The following ANO4 variants were observed in gnomAD, a reference collection of about 807,000 sequenced individuals.
The protein encoded by ANO4 is anoctamin 4.
ANO4 carries 69 observed loss-of-function variants against 141.9 expected under a neutral mutation model. The observed-to-expected ratio is 0.49, with a 90% CI of 0.40 to 0.59. The LOEUF is 0.59. Among genes scored for constraint, ANO4 ranks in the 20% least tolerant of loss-of-function variants. ANO4 has a pLI of 0.00. For synonymous variants in ANO4, 350 were observed against 394.3 expected (o/e 0.89, Z 1.33); for missense variants, 894 against 1,162.2 (o/e 0.77, Z 3.36).
At chr12:100,882,167 A>C (rs2039602801) in intron 1 of ANO4, among the ~76,000 whole-genome samples, 1 of 152,178 alleles carries the variant, frequency 6.6e-6, no homozygotes, top group Admixed American at 6.5e-5. Context: ...TGGAATCTTC[A>C]AACCAACCCT....
intron 3 of ANO4, among the ~76,000 whole-genome samples, chr12:100,787,319 T>C (rs1308508146): frequency 6.6e-6 from 1 of 152,132 alleles, no homozygotes; most frequent in East Asian, 1.9e-4. Context: ...GAAAAGAAAG[T>C]CCAAGCATTG....
At chr12:101,102,183 G>T (rs766477824) in intron 22 of ANO4, among the ~76,000 whole-genome samples, 1 of 152,154 alleles carries the variant, frequency 6.6e-6, no homozygotes, top group South Asian at 2.1e-4. Context: ...TACCTTTACG[G>T]CATTTTTGTA....
At chr12:100,921,595 G>A (rs2041633179) in intron 2 of ANO4, among the ~76,000 whole-genome samples, 1 of 152,110 alleles carries the variant, frequency 6.6e-6, no homozygotes, top group Non-Finnish European at 1.5e-5. Flanking sequence ...TTCCTTAAAT[G>A]TTCTATAGGT....
chr12:100,920,970 CA>C (rs2041603759), intron 2 of ANO4, among the ~76,000 whole-genome samples: 1 of 152,062 alleles, frequency 6.6e-6, no homozygotes, highest in Non-Finnish European at 1.5e-5. Flanking sequence ...CCCTATTTCA[CA>C]AAGGAGGAAA....
intron 3 of ANO4, among the ~76,000 whole-genome samples, chr12:100,750,194 G>A (rs147868732): frequency 1.3e-5 from 2 of 151,640 alleles, no homozygotes. Flanking sequence ...TAGTGCAGTG[G>A]CATGATCTTG....
chr12:100,929,290 G>A (rs567355169), intron 3 of ANO4, among the ~76,000 whole-genome samples: 138 of 151,672 alleles, frequency 9.1e-4, no homozygotes, highest in African/African-American at 3.1e-3. Flanking sequence ...CCAGCATATG[G>A]TAACCACCAT....
intron 1 of ANO4, among the ~76,000 whole-genome samples, chr12:100,857,635 G>A (rs1306635924): frequency 6.6e-6 from 1 of 152,040 alleles, no homozygotes; most frequent in East Asian, 1.9e-4. Context: ...AGATTCTCTG[G>A]GTTCAGCTGT....
At chr12:100,944,596 C>T (rs2042647657) in intron 5 of ANO4, among the ~76,000 whole-genome samples, 1 of 151,880 alleles carries the variant, frequency 6.6e-6, no homozygotes, top group Non-Finnish European at 1.5e-5. Context: ...CTTCCCCTTT[C>T]TGGAACCTTC....
intron 14 of ANO4, among the ~76,000 whole-genome samples, chr12:101,062,167 T>C (rs1391156124): frequency 6.6e-6 from 1 of 152,218 alleles, no homozygotes; most frequent in African/African-American, 2.4e-5. Flanking sequence ...TGGAGTTTGC[T>C]GGAGGTCTAC....
chr12:101,104,593 ATG>A (rs745870723), intron 22 of ANO4, among the ~76,000 whole-genome samples: 1,002 of 94,660 alleles, frequency 0.011, 8 homozygotes, highest in Non-Finnish European at 0.015. Flanking sequence ...TAATATATAT[ATG>A]TGTGTGTGTG....
At chr12:100,791,643 G>A (rs2034051444), upstream of ANO4, among the ~76,000 whole-genome samples, 2 of 152,122 alleles carry the variant, frequency 1.3e-5, no homozygotes, top group South Asian at 4.1e-4. Flanking sequence ...GTCCTCTATT[G>A]TCTCATACAT....
intron 8 of ANO4, among the ~76,000 whole-genome samples, chr12:101,013,738 A>T (rs1996248): frequency 6.6e-6 from 1 of 152,044 alleles, no homozygotes; most frequent in African/African-American, 2.4e-5. Flanking sequence ...CAATAGTTAC[A>T]TGAGTACCAT....
At position 100,842,873 on chromosome 12, in the gene ANO4, C is replaced by T. The variant is rs545588165; in HGVS notation, c.-141+47846C>T. On this transcript the variant is annotated intron_variant, in intron 1 of 27. Transcript: ENST00000392977. Reference sequence around the variant, plus strand: ...GGCCCCACCTCTTAATACTGTTGCACGGAGGATTAAGTTTCAACAAGACTT... The same window carrying T: ...GGCCCCACCTCTTAATACTGTTGCATGGAGGATTAAGTTTCAACAAGACTT... Among the ~76,000 whole-genome samples, 58 of 152,234 alleles carry T rather than the reference C, an allele frequency of 3.8e-4. 1 individual carries two copies. The highest frequency in any genetic ancestry group is 1.2e-3 in the African/African-American group (51 of 41,548).
intron 1 of ANO4, among the ~76,000 whole-genome samples, chr12:100,863,476 G>A (rs180911575): frequency 7.2e-5 from 11 of 152,256 alleles, no homozygotes; most frequent in African/African-American, 2.4e-4. Context: ...TACCTCTTTT[G>A]AGTTTCTGTA....
At chr12:100,865,869 T>C (rs116564995) in intron 1 of ANO4, among the ~76,000 whole-genome samples, 364 of 152,128 alleles carry the variant, frequency 2.4e-3, no homozygotes, top group African/African-American at 8.1e-3. Context: ...CTGAAAAAGG[T>C]TGGGGGAGGA....
intron 1 of ANO4, among the ~76,000 whole-genome samples, chr12:100,807,576 A>G (rs142682290): frequency 6.6e-6 from 1 of 152,228 alleles, no homozygotes; most frequent in East Asian, 1.9e-4. Context: ...GTGTTTTTTA[A>G]CTTTTAAGCT....
upstream of ANO4, among the ~76,000 whole-genome samples, chr12:100,789,800 A>G (rs1374295825): frequency 1.3e-5 from 2 of 152,226 alleles, no homozygotes; most frequent in African/African-American, 2.4e-5. Context: ...AGGAAGAGGC[A>G]TGAAAGATGG....
chr12:101,050,395 A>G (rs1456595037), intron 14 of ANO4, among the ~76,000 whole-genome samples: 1 of 152,122 alleles, frequency 6.6e-6, no homozygotes, highest in East Asian at 1.9e-4. Context: ...TGTTCATGCT[A>G]CCCTTAATGC....
chr12:101,033,522 C>G (rs1233513506), intron 9 of ANO4, among the ~76,000 whole-genome samples: 1 of 151,386 alleles, frequency 6.6e-6, no homozygotes, highest in Non-Finnish European at 1.5e-5. Context: ...ATGTAAAACC[C>G]CAAACCATAA....
Sources: allele counts gnomAD v4.1 joint callset (sites outside exome capture counted in the v4.1 genomes callset), GRCh38; gene constraint gnomAD v4.1.1; transcripts MANE v1.5; gene names NCBI Gene and HGNC (gene_info 2026-07-23, HGNC 2026-07-21).